TMEM164: variants seen among roughly 807,000 people sequenced by gnomAD.
TMEM164 encodes transmembrane protein 164.
TMEM164 carries 4 observed loss-of-function variants against 18.8 expected under a neutral mutation model. That is an observed-to-expected ratio of 0.21 (90% CI 0.10 to 0.49). TMEM164 has a LOEUF of 0.49. Among genes scored for constraint, TMEM164 ranks in the 20% least tolerant of loss-of-function variants. The pLI, the probability that TMEM164 is intolerant of heterozygous loss-of-function variation, is 0.98. For synonymous variants in TMEM164, 86 were observed against 101.7 expected, an observed-to-expected ratio of 0.85 and a Z score of 0.93; for missense variants, 108 against 239.9, an observed-to-expected ratio of 0.45 and a Z score of 3.63.
At chrX:110,133,757 T>G (rs1024486358) in intron 4 of TMEM164, among the ~76,000 whole-genome samples, 2 of 111,682 alleles carry the variant, frequency 1.8e-5, no homozygotes, top group Non-Finnish European at 3.8e-5. Context: ...CTATTATTAT[T>G]ATCCTTAGGC....
At chrX:110,116,180 A>C (rs1392152440) in intron 4 of TMEM164, among the ~76,000 whole-genome samples, 1 of 112,328 alleles carries the variant, frequency 8.9e-6, no homozygotes, top group Admixed American at 9.5e-5. Context: ...AAAAAGATTA[A>C]TATTAGCATT....
At chrX:110,091,836 T>G (rs975432291) in intron 3 of TMEM164, among the ~76,000 whole-genome samples, 2 of 112,555 alleles carry the variant, frequency 1.8e-5, no homozygotes, top group African/African-American at 6.5e-5. Context: ...GTTTTTATGG[T>G]TTCAGGTCTA....
Position 110,070,248 on chromosome X carries a change from G to A in TMEM164, c.440+2852G>A, listed in dbSNP as rs757312044. 6.3e-4 allele frequency among the ~76,000 whole-genome samples: 70 copies of A among 111,445 alleles called. 1 individual carries two copies. Among genetic ancestry groups the A allele is most frequent in the Middle Eastern group, 4.6e-3 (1 of 218 alleles). ...GGAGAATCACTTGAACCCAGGAGGC[G>A]GATGTTGCAGTGAGCCAGGACTGTG... On this transcript the variant is annotated intron_variant, in intron 3 of 6. Coordinates refer to ENST00000372068, the MANE Select transcript of TMEM164 (RefSeq NM_032227.4).
At chrX:110,133,081 G>A (rs140544865) in intron 4 of TMEM164, among the ~76,000 whole-genome samples, 212 of 111,970 alleles carry the variant, frequency 1.9e-3, no homozygotes, top group African/African-American at 6.6e-3. Flanking sequence ...ACTGGTGAGT[G>A]GCTATCTTCT....
At chrX:110,057,548 C>CT (rs199733800) in intron 2 of TMEM164, among the ~76,000 whole-genome samples, 1,666 of 80,481 alleles carry the variant, frequency 0.021, 50 homozygotes, top group African/African-American at 0.062. Context: ...TAGAATAGGT[C>CT]TTTTTTTTTT....
chrX:110,031,865 T>TATC (rs1405682220), intron 2 of TMEM164, among the ~76,000 whole-genome samples: 1 of 109,043 alleles, frequency 9.2e-6, no homozygotes, highest in African/African-American at 3.3e-5. Flanking sequence ...TTTTTCTTTT[T>TATC]ATTATTATTA....
At chrX:110,183,196 T>G, downstream of TMEM164, among the ~76,000 whole-genome samples, 1 of 112,068 alleles carries the variant, frequency 8.9e-6, no homozygotes, top group East Asian at 2.8e-4. Flanking sequence ...GATTTGCCCA[T>G]AGGAGAGCAC....
chrX:110,004,128 C>G lies in TMEM164; in HGVS notation c.354C>G (p.Tyr118Ter). 8.3e-7 allele frequency: 1 copy of G among 1,205,330 alleles called. No individual in the cohort carries two copies. Among genetic ancestry groups the G allele is most frequent in the Non-Finnish European group, 1.1e-6 (1 of 893,662 alleles). The change falls in exon 2 of 7, where the codon TAC (tyrosine) becomes TAG (stop). Residue 118 changes from tyrosine (Y) to a stop codon, truncating the protein, a stop_gained. Transcript: ENST00000372068. LOFTEE classifies it high-confidence loss of function. ...AGTTCGCCACCAAGACCGTCATCTA[C>G]CTGCTCAACCCCTGTCACCTGGTCA... ...GFKFATKTVI[Y>*]LLNPCHLVTM...
At chrX:110,182,156 G>A (rs1293719030), downstream of TMEM164, 1 of 111,430 alleles carries the variant, frequency 9.0e-6, no homozygotes, top group Non-Finnish European at 1.9e-5. Flanking sequence ...GCATATTAGA[G>A]TCAATGAAAT....
chrX:110,172,752 T>A (rs2067247971), intron 6 of TMEM164, among the ~76,000 whole-genome samples: 1 of 111,955 alleles, frequency 8.9e-6, no homozygotes, highest in Non-Finnish European at 1.9e-5. Flanking sequence ...TGTCATGAAA[T>A]CTTCTCTGAG....
intron 3 of TMEM164, among the ~76,000 whole-genome samples, chrX:110,104,863 C>T (rs2066163689): frequency 9.0e-6 from 1 of 110,718 alleles, no homozygotes; most frequent in Non-Finnish European, 1.9e-5. Flanking sequence ...GAGTCAGTGC[C>T]CCTAACCTCC....
intron 2 of TMEM164, among the ~76,000 whole-genome samples, chrX:110,009,724 G>T (rs1236747141): frequency 1.8e-5 from 2 of 111,705 alleles, no homozygotes; most frequent in Non-Finnish European, 3.8e-5. Flanking sequence ...GCCAGGCATG[G>T]TGGCACACGC....
chrX:110,035,960 C>T (rs1934779632), intron 2 of TMEM164, among the ~76,000 whole-genome samples: 1 of 110,528 alleles, frequency 9.0e-6, no homozygotes, highest in African/African-American at 3.3e-5. Context: ...TGCTTATGTA[C>T]ATTCCTACTA....
chrX:110,057,548 CTTT>C (rs199733800), intron 2 of TMEM164, among the ~76,000 whole-genome samples: 2 of 80,564 alleles, frequency 2.5e-5, no homozygotes, highest in South Asian at 5.8e-4. Context: ...TAGAATAGGT[CTTT>C]TTTTTTTTTT....
At chrX:110,155,663 G>C (rs1459792667) in intron 5 of TMEM164, among the ~76,000 whole-genome samples, 1 of 110,756 alleles carries the variant, frequency 9.0e-6, no homozygotes, top group East Asian at 2.8e-4. Context: ...TCCTCTCCCT[G>C]CCCCCTGATT....
intron 2 of TMEM164, among the ~76,000 whole-genome samples, chrX:110,019,901 G>T (rs189942921): frequency 1.8e-5 from 2 of 111,706 alleles, no homozygotes; most frequent in Admixed American, 1.9e-4. Flanking sequence ...TCTTCCATGT[G>T]TTCTCTGATC....
At chrX:110,018,828 T>G (rs773816797) in intron 2 of TMEM164, among the ~76,000 whole-genome samples, 16 of 112,231 alleles carry the variant, frequency 1.4e-4, no homozygotes, top group African/African-American at 4.9e-4. Context: ...TCTTACCTTA[T>G]AGGGTAAATA....
intron 4 of TMEM164, among the ~76,000 whole-genome samples, chrX:110,132,947 A>G (rs2066633174): frequency 8.9e-6 from 1 of 111,982 alleles, no homozygotes; most frequent in South Asian, 3.8e-4. Context: ...TAGGGCTGCT[A>G]TGACAAATAT....
In TMEM164 at chrX:110,003,885, G is replaced by A. The variant is rs1229722468; in HGVS notation, c.111G>A (p.Gln37=). 4 of 1,210,032 alleles carry A rather than the reference G, an allele frequency of 3.3e-6. No individual in the cohort carries two copies. In the African/African-American group the frequency reaches 7.0e-5, roughly 21 times the overall value. ...GTGCTGCCTTCCTCTCTTGGCAGCA[G>A]CGGCTGCTGGAAAGTGTGGTGGTCC... ...PDCAAFLSWQ[Q]RLLESVVVLT... The change falls in exon 2 of 7, where the codon CAG becomes CAA. Residue 37 remains glutamine (Q), a synonymous_variant. Coordinates refer to ENST00000372068, the MANE Select transcript of TMEM164 (RefSeq NM_032227.4).
Sources: gnomAD v4.1 joint callset for allele counts (sites outside exome capture counted in the v4.1 genomes callset) on GRCh38, gnomAD v4.1.1 for gene constraint, MANE v1.5 for transcripts, NCBI Gene and HGNC (gene_info 2026-07-23, HGNC 2026-07-21) for gene names.